The following RASGRF2 variants were observed in gnomAD, a reference collection of about 807,000 sequenced individuals.
RASGRF2 encodes the protein ras-specific guanine nucleotide-releasing factor 2.
A neutral mutation model predicts 151.0 loss-of-function variants in RASGRF2; 76 were observed. The ratio of observed to expected loss-of-function variants is 0.50; its 90% confidence interval spans 0.42 to 0.61. RASGRF2 has a LOEUF of 0.61. Among genes scored for constraint, RASGRF2 ranks in the 20% least tolerant of loss-of-function variants. The pLI is 0.00. For synonymous variants in RASGRF2, 504 were observed against 566.5 expected (o/e 0.89, Z 1.57); for missense variants, 1,148 against 1,564.6 (o/e 0.73, Z 4.49).
rs1273852719 is a variant in RASGRF2 at position 81,200,028 on chromosome 5, C to T, written c.2794-1302C>T. ...GCTCACGGTCGTAATCCCAGCACTT[C>T]GGGAGGCTGAGATGGGAGGGTCACT... On this transcript the variant is annotated intron_variant, in intron 18 of 26. Transcript: ENST00000265080. 5.3e-5 allele frequency among the ~76,000 whole-genome samples: 8 copies of T among 151,312 alleles called. No homozygotes were observed. In the East Asian group the frequency reaches 1.4e-3, roughly 26 times the overall value.
chr5:81,143,620 G>A (rs1044181950), intron 17 of RASGRF2, among the ~76,000 whole-genome samples: 3 of 151,998 alleles, frequency 2.0e-5, no homozygotes, highest in African/African-American at 4.8e-5. Flanking sequence ...GGGCAGGCAC[G>A]GTGGTGCACG....
At chr5:80,988,589 C>A (rs961569491) in intron 1 of RASGRF2, among the ~76,000 whole-genome samples, 2 of 152,164 alleles carry the variant, frequency 1.3e-5, no homozygotes, top group African/African-American at 4.8e-5. Context: ...TTGAGAGAGC[C>A]ACTGTCTGCT....
Position 81,112,633 on chromosome 5 carries a change from A to C in RASGRF2, c.1862A>C (p.Asp621Ala). The C allele has an allele frequency of 6.2e-7, 1 of 1,614,152 alleles. No homozygotes were observed. Among genetic ancestry groups the C allele is most frequent in the Non-Finnish European group, 8.5e-7 (1 of 1,180,032 alleles). The change falls in exon 14 of 27, where the codon GAC (aspartate) becomes GCC (alanine). Residue 621 changes from aspartate to alanine, a missense_variant. Asp to Ala is a moderately radical substitution (Grantham distance 126). Transcript: ENST00000265080. ...MIKSDARLHK[D>A]DTDICFSKTL... Reference sequence around the variant, plus strand: ...AGGTCTGATGCCCGTCTTCATAAAGACGACACTGACATTTGCTTCAGTAAA... The same window carrying C: ...AGGTCTGATGCCCGTCTTCATAAAGCCGACACTGACATTTGCTTCAGTAAA...
In RASGRF2 at chr5:81,219,784, A is replaced by G. The variant is rs1468570388; in HGVS notation, c.3621+6A>G. 2 of 1,588,924 alleles carry G rather than the reference A, an allele frequency of 1.3e-6. No individual in the cohort carries two copies. Among genetic ancestry groups the G allele is most frequent in the East Asian group, 2.2e-5 (1 of 44,614 alleles). ...GAATAGATCATCAGCCAAAGGTAATATTATGTGGCTGTGAAGAAATTAATA... is the reference window on the plus strand; with the variant it reads ...GAATAGATCATCAGCCAAAGGTAATGTTATGTGGCTGTGAAGAAATTAATA... On this transcript the variant is annotated splice_donor_region_variant and intron_variant, in intron 26 of 26. Transcript: ENST00000265080.
chr5:81,001,743 T>C (rs1448796990), intron 1 of RASGRF2, among the ~76,000 whole-genome samples: 1 of 152,212 alleles, frequency 6.6e-6, no homozygotes, highest in Non-Finnish European at 1.5e-5. Context: ...ACTTGTTTTC[T>C]TGCCTCTGTT....
chr5:81,195,976 C>T (rs1158722668), intron 18 of RASGRF2, among the ~76,000 whole-genome samples: 1 of 152,142 alleles, frequency 6.6e-6, no homozygotes, highest in Admixed American at 6.5e-5. Context: ...ATTTTATACA[C>T]GGCCGGGCAC....
chr5:80,960,872 C>G lies in RASGRF2; in HGVS notation c.134C>G (p.Ala45Gly). 1 of 1,613,502 alleles carries G rather than the reference C, an allele frequency of 6.2e-7. No homozygotes were observed. The highest frequency in any genetic ancestry group is 8.5e-7 in the Non-Finnish European group (1 of 1,179,628). Reference protein sequence around the residue: ...EASRWHEKWFALYQNVLFYFE... With the variant: ...EASRWHEKWFGLYQNVLFYFE... Reference sequence around the variant, plus strand: ...AGCCGCTGGCACGAGAAGTGGTTCGCCCTCTACCAGAATGTGCTCTTCTAC... The same window carrying G: ...AGCCGCTGGCACGAGAAGTGGTTCGGCCTCTACCAGAATGTGCTCTTCTAC... The change falls in exon 1 of 27, where the codon GCC (alanine) becomes GGC (glycine). Residue 45 changes from alanine (A) to glycine (G), a missense_variant. By Grantham distance (60) the Ala-to-Gly change is moderately conservative. Around this residue, in one of 5 missense-constraint regions of RASGRF2, gnomAD observed 221 missense variants for 271.3 expected, o/e 0.81. Coordinates refer to ENST00000265080, the MANE Select transcript of RASGRF2 (RefSeq NM_006909.3). This position sits in a 1 kb window ranked among gnomAD's most constrained non-coding sequence, Gnocchi z 5.5.
At chr5:81,120,132 A>G (rs1017793442) in intron 15 of RASGRF2, among the ~76,000 whole-genome samples, 3 of 151,828 alleles carry the variant, frequency 2.0e-5, no homozygotes, top group Non-Finnish European at 4.4e-5. Context: ...CCCTCCCTTA[A>G]TCCTTCCATT....
At chr5:81,198,726 A>G (rs1369463292) in intron 18 of RASGRF2, among the ~76,000 whole-genome samples, 1 of 152,220 alleles carries the variant, frequency 6.6e-6, no homozygotes, top group East Asian at 1.9e-4. Context: ...GGCGTGAGCC[A>G]CCGCACCTGG....
intron 1 of RASGRF2, among the ~76,000 whole-genome samples, chr5:80,975,853 CTTTTT>C (rs71893376): frequency 1.5e-5 from 2 of 133,746 alleles, no homozygotes; most frequent in Non-Finnish European, 3.2e-5. Flanking sequence ...AAGCAATCAT[CTTTTT>C]TTTTTTTTTT....
chr5:81,103,313 T>C (rs1752753483), intron 12 of RASGRF2, among the ~76,000 whole-genome samples: 1 of 152,092 alleles, frequency 6.6e-6, no homozygotes, highest in Admixed American at 6.5e-5. Context: ...AGCTATATTC[T>C]ATATAGCTAT....
chr5:80,981,439 G>A (rs958644424), intron 1 of RASGRF2, among the ~76,000 whole-genome samples: 1 of 152,160 alleles, frequency 6.6e-6, no homozygotes, highest in African/African-American at 2.4e-5. Flanking sequence ...GAGAGGCAAT[G>A]AGGCTTTCTT....
chr5:81,116,109 G>A (rs1304492708), intron 15 of RASGRF2, among the ~76,000 whole-genome samples: 1 of 102,122 alleles, frequency 9.8e-6, no homozygotes, highest in Admixed American at 1.5e-4. Context: ...TTGAGATGGA[G>A]TCTCACTCTG....
chr5:81,061,312 GT>G (rs1751424504), intron 2 of RASGRF2, among the ~76,000 whole-genome samples: 1 of 151,986 alleles, frequency 6.6e-6, no homozygotes, highest in South Asian at 2.1e-4. Flanking sequence ...ATTATTAGAA[GT>G]GAAATTATGA....
At position 80,969,815 on chromosome 5, in the gene RASGRF2, C is replaced by CTTTTTTTTTTTT. The variant is rs10584906; in HGVS notation, c.288+8806_288+8817dup. On this transcript the variant is annotated intron_variant, in intron 1 of 26. Transcript: ENST00000265080. The stretch of plus-strand genomic sequence containing the variant: ...ACAGATGCCAATAATACTTCTTCTT[C>CTTTTTTTTTTTT]TTTTTTTTTTTTTTTTTTTTTTTTT... Among the ~76,000 whole-genome samples, 16 of 76,944 alleles carry CTTTTTTTTTTTT rather than the reference C, an allele frequency of 2.1e-4. 2 individuals are homozygous for CTTTTTTTTTTTT. The highest frequency in any genetic ancestry group is 1.1e-3 in the East Asian group (2 of 1,774). 50.5% of individuals were successfully genotyped at this position (76,944 alleles called of 152,430 possible).
At chr5:81,038,567 C>CTTTTTTTTTTTTT (rs56205345) in intron 1 of RASGRF2, among the ~76,000 whole-genome samples, 2 of 83,900 alleles carry the variant, frequency 2.4e-5, no homozygotes, top group Admixed American at 1.8e-4. Flanking sequence ...TAAATATTTG[C>CTTTTTTTTTTTTT]TTTTTTTTTT....
At chr5:81,035,557 C>T (rs939727515) in intron 1 of RASGRF2, among the ~76,000 whole-genome samples, 3 of 151,770 alleles carry the variant, frequency 2.0e-5, no homozygotes, top group African/African-American at 7.3e-5. Context: ...CACATGTATA[C>T]ATATGTAACA....
intron 1 of RASGRF2, among the ~76,000 whole-genome samples, chr5:80,982,612 A>ATTATTATTG (rs1748341070): frequency 6.8e-6 from 1 of 147,686 alleles, no homozygotes; most frequent in Admixed American, 6.9e-5. Context: ...TATTATTATT[A>ATTATTATTG]TTATTTGAGA....
chr5:80,971,512 C>G (rs780191265), intron 1 of RASGRF2, among the ~76,000 whole-genome samples: 1 of 151,908 alleles, frequency 6.6e-6, no homozygotes, highest in African/African-American at 2.4e-5. Context: ...AAGTGATCCT[C>G]CCACCTCAGC....
Sources: allele counts gnomAD v4.1 joint callset (sites outside exome capture counted in the v4.1 genomes callset), GRCh38; gene constraint gnomAD v4.1.1; regional missense constraint gnomAD v4.1.1; non-coding constraint Gnocchi (gnomAD v3.1); transcripts MANE v1.5; gene names NCBI Gene and HGNC (gene_info 2026-07-23, HGNC 2026-07-21).